The following CNKSR2 variants were observed in gnomAD, a reference collection of about 807,000 sequenced individuals.
The protein encoded by CNKSR2 is connector enhancer of kinase suppressor of Ras 2, also known as CNK homolog protein 2.
Under a neutral mutation model 84.4 loss-of-function variants are expected in CNKSR2, and 14 were observed. The observed-to-expected ratio is 0.17, with a 90% confidence interval of 0.11 to 0.26. The LOEUF (loss-of-function observed/expected upper bound fraction) is 0.26. CNKSR2 is among the 10% of genes least tolerant of loss of function. CNKSR2 has a pLI of 1.00. For missense variants in CNKSR2, 485 were observed against 771.2 expected (o/e 0.63, Z 4.40); for synonymous variants, 275 against 277.9 (o/e 0.99, Z 0.10).
intron 13 of CNKSR2, among the ~76,000 whole-genome samples, chrX:21,574,286 CA>C (rs1326423707): frequency 8.9e-6 from 1 of 112,092 alleles, no homozygotes; most frequent in Non-Finnish European, 1.9e-5. Context: ...GCCTGTTACC[CA>C]GTTCCAAAGT....
At chrX:21,550,270 C>G (rs776943509) in intron 11 of CNKSR2, among the ~76,000 whole-genome samples, 4 of 112,096 alleles carry the variant, frequency 3.6e-5, no homozygotes, top group Non-Finnish European at 7.5e-5. Context: ...TGAACAGACA[C>G]TTCTCAAAAG....
At chrX:21,501,621 G>T (rs1181042502) in intron 8 of CNKSR2, 33 bp downstream of exon 8, 10 of 814,986 alleles carry the variant, frequency 1.2e-5, no homozygotes, top group Admixed American at 2.9e-5. Context: ...TCAGTGGGAG[G>T]AACTAATTTT....
intron 13 of CNKSR2, among the ~76,000 whole-genome samples, chrX:21,589,589 A>T (rs1365159130): frequency 2.7e-5 from 3 of 112,220 alleles, no homozygotes; most frequent in Non-Finnish European, 5.6e-5. Flanking sequence ...AATATGGCTT[A>T]GTAGACTAAC....
chrX:21,551,993 G>A (rs2092097155), intron 11 of CNKSR2, among the ~76,000 whole-genome samples: 2 of 109,522 alleles, frequency 1.8e-5, no homozygotes, highest in African/African-American at 3.3e-5. Context: ...TAGCGTCAGG[G>A]ATTACCTAGC....
intron 1 of CNKSR2, among the ~76,000 whole-genome samples, chrX:21,409,270 ATATATATAT>A (rs2090310210): frequency 4.3e-5 from 2 of 46,987 alleles, no homozygotes; most frequent in African/African-American, 1.8e-4. Context: ...ATATATATAT[ATATATATAT>A]GTCTGTCAGA....
chrX:21,647,867 T>C (rs1163634594), intron 20 of CNKSR2, among the ~76,000 whole-genome samples: 2 of 111,711 alleles, frequency 1.8e-5, no homozygotes, highest in African/African-American at 6.5e-5. Context: ...ATTCTGGCTA[T>C]CTATTTAAAA....
chrX:21,539,302 G>T (rs2091956328), intron 11 of CNKSR2, among the ~76,000 whole-genome samples: 1 of 110,937 alleles, frequency 9.0e-6, no homozygotes, highest in South Asian at 3.8e-4. Context: ...GTTCTCAGTT[G>T]TATGTTTTTA....
At chrX:21,411,074 T>G (rs1296990275) in intron 1 of CNKSR2, among the ~76,000 whole-genome samples, 1 of 111,349 alleles carries the variant, frequency 9.0e-6, no homozygotes, top group African/African-American at 3.3e-5. Flanking sequence ...TTTAATAAGA[T>G]GCATATGTCT....
intron 4 of CNKSR2, among the ~76,000 whole-genome samples, chrX:21,452,087 C>T (rs925500847): frequency 2.7e-5 from 3 of 111,049 alleles, no homozygotes; most frequent in African/African-American, 9.8e-5. Context: ...TGAATGAATG[C>T]ATGAATTTAT....
intron 5 of CNKSR2, among the ~76,000 whole-genome samples, chrX:21,473,291 A>T (rs896389637): frequency 8.9e-6 from 1 of 111,958 alleles, no homozygotes. Flanking sequence ...TCCCATCCTG[A>T]CGTTTTTATA....
chrX:21,529,581 A>C (rs2091866994), intron 10 of CNKSR2, among the ~76,000 whole-genome samples: 1 of 110,825 alleles, frequency 9.0e-6, no homozygotes, highest in Non-Finnish European at 1.9e-5. Context: ...ACTTACGTGC[A>C]TTAACTTACA....
chrX:21,463,153 A>G (rs1442568209), intron 4 of CNKSR2, among the ~76,000 whole-genome samples: 1 of 111,560 alleles, frequency 9.0e-6, no homozygotes, highest in Non-Finnish European at 1.9e-5. Context: ...TGTATGTTGA[A>G]CCATCCTTGC....
At chrX:21,508,990 C>T (rs776492758) in intron 8 of CNKSR2, among the ~76,000 whole-genome samples, 1 of 112,064 alleles carries the variant, frequency 8.9e-6, no homozygotes, top group African/African-American at 3.2e-5. Flanking sequence ...AGAAAAAGTG[C>T]TAGCTTCTTG....
intron 9 of CNKSR2, among the ~76,000 whole-genome samples, chrX:21,522,549 C>T (rs2091795027): frequency 1.8e-5 from 2 of 110,714 alleles, no homozygotes; most frequent in Admixed American, 1.9e-4. Flanking sequence ...TTGGGGAAAA[C>T]CTCAACATCA....
At chrX:21,520,312 A>G (rs1454036625) in intron 9 of CNKSR2, among the ~76,000 whole-genome samples, 1 of 111,185 alleles carries the variant, frequency 9.0e-6, no homozygotes, top group Admixed American at 9.6e-5. Context: ...CCATTTGTAA[A>G]AACAGAGATG....
intron 11 of CNKSR2, 24 bp from the exon 12 acceptor site, chrX:21,561,447 G>T: frequency 8.9e-7 from 1 of 1,123,475 alleles, no homozygotes; most frequent in Non-Finnish European, 1.2e-6. Context: ...ACAATGTGAT[G>T]TGAACTTTGT....
At chrX:21,499,019 T>C (rs921049967) in intron 7 of CNKSR2, among the ~76,000 whole-genome samples, 9 of 111,876 alleles carry the variant, frequency 8.0e-5, no homozygotes, top group African/African-American at 2.9e-4. Flanking sequence ...TCTTGGTTTC[T>C]TGTGAAAGGT....
intron 6 of CNKSR2, 58 bp from the exon 7 acceptor site, chrX:21,497,729 T>C (rs1421324607): frequency 1.7e-6 from 1 of 585,395 alleles, no homozygotes; most frequent in African/African-American, 2.2e-5. Flanking sequence ...GAGGTTACAA[T>C]GTACTTGAAA....
intron 7 of CNKSR2, 169 bp from the exon 8 acceptor site, chrX:21,501,351 A>G (rs1422456145): frequency 1.7e-5 from 5 of 296,196 alleles, no homozygotes; most frequent in Non-Finnish European, 3.0e-5. Context: ...TCAGCAGGTA[A>G]AAACAGTGTA....
Sources: gnomAD v4.1 joint callset for allele counts (sites outside exome capture counted in the v4.1 genomes callset) on GRCh38, gnomAD v4.1.1 for gene constraint, MANE v1.5 for transcripts, NCBI Gene and HGNC (gene_info 2026-07-23, HGNC 2026-07-21) for gene names.